The following DIPK1B variants were observed in gnomAD, a reference collection of about 807,000 sequenced individuals.
DIPK1B encodes family with sequence similarity 69 member B.
In DIPK1B, 17 loss-of-function variants were observed where a neutral mutation model predicts 20.7. That is an observed-to-expected ratio of 0.82 (90% CI 0.56 to 1.23). DIPK1B has a LOEUF of 1.23. Ranked by LOEUF, DIPK1B falls within the 50% of genes most tolerant of loss-of-function variation. The pLI, the probability that DIPK1B is intolerant of heterozygous loss-of-function variation, is 0.00. For synonymous variants in DIPK1B, 343 were observed against 276.5 expected (o/e 1.24, Z -2.39); for missense variants, 648 against 601.8 (o/e 1.08, Z -0.80).
intron 1 of DIPK1B, among the ~76,000 whole-genome samples, chr9:136,713,405 T>G (rs962161860): frequency 1.3e-5 from 2 of 152,266 alleles, no homozygotes; most frequent in Admixed American, 6.5e-5. Flanking sequence ...CAGATTTGCC[T>G]GTATCTCCCC....
intron 1 of DIPK1B, 33 bp from the exon 2 acceptor site, chr9:136,717,544 G>C: frequency 1.3e-6 from 2 of 1,589,858 alleles, no homozygotes; most frequent in Non-Finnish European, 1.7e-6. Flanking sequence ...GGTGCCCCGA[G>C]GGCACCTCCT....
In DIPK1B at chr9:136,722,964, G is replaced by A. The variant is rs148889146; in HGVS notation, c.486G>A (p.Ala162=). The stretch of plus-strand genomic sequence containing the variant: ...TTTCTTTTGGTCCCAAACGCCAGGC[G>A]AACCTGGGAGACCTGCCTTCCCTGC... ...FREMTLSFLK[A]NLGDLPSLPA... is the part of the protein sequence containing the mutation. Residue 162 remains alanine, a splice_region_variant and synonymous_variant, in exon 5 of 5, where the codon GCG becomes GCA. Transcript: ENST00000371692. The A allele has an allele frequency of 5.1e-5, 82 of 1,601,628 alleles. No individual in the cohort carries two copies. The African/African-American group carries it at 7.0e-4, about 14-fold the overall frequency.
chr9:136,715,465 T>C (rs1846483143), intron 1 of DIPK1B, among the ~76,000 whole-genome samples: 1 of 151,506 alleles, frequency 6.6e-6, no homozygotes, highest in South Asian at 2.1e-4. Flanking sequence ...AAAAGCCGGC[T>C]CCCAGACATC....
Position 136,723,635 on chromosome 9 carries a change from G to A in DIPK1B, c.1157G>A (p.Arg386His), listed in dbSNP as rs754751475. The A allele has an allele frequency of 1.5e-5, 24 of 1,572,634 alleles. No individual in the cohort carries two copies. In the East Asian group the frequency reaches 2.3e-4, roughly 15 times the overall value. ...YLLPGAPADLREELGTQLRTC... is the reference protein window; with the variant it reads ...YLLPGAPADLHEELGTQLRTC... ...CTGCCTGGCGCGCCCGCCGACCTCC[G>A]CGAGGAGCTGGGCACACAGCTGCGC... The change falls in exon 5 of 5, where the codon CGC (arginine) becomes CAC (histidine). Residue 386 changes from arginine to histidine, a missense_variant. Transcript: ENST00000371692.
Position 136,717,721 on chromosome 9 carries a change from G to A in DIPK1B, c.198+10G>A. Reference sequence around the variant, plus strand: ...CTGCCAGGTGGTCATTGTAAGTGTTGCTTGTGCGGGCTGGGGACTGGGCCG... The same window carrying A: ...CTGCCAGGTGGTCATTGTAAGTGTTACTTGTGCGGGCTGGGGACTGGGCCG... On this transcript the variant is annotated intron_variant, in intron 2 of 4. Coordinates refer to ENST00000371692, the MANE Select transcript of DIPK1B (RefSeq NM_152421.4). 6.2e-7 allele frequency: 1 copy of A among 1,610,686 alleles called. No homozygotes were observed.
rs1846518770 is a variant in DIPK1B at position 136,717,664 on chromosome 9, T to C, written c.151T>C (p.Ser51Pro). 1.2e-6 allele frequency: 2 copies of C among 1,609,694 alleles called. No homozygotes were observed. The highest frequency in any genetic ancestry group is 1.7e-6 in the Non-Finnish European group (2 of 1,179,948). The change falls in exon 2 of 5, where the codon TCG becomes CCG. Residue 51 changes from serine to proline, a missense_variant. By Grantham distance (74) the Ser-to-Pro change is moderately conservative. Transcript: ENST00000371692. ...AGSWLVYVHYSSYSERCRGHV... is the reference protein window; with the variant it reads ...AGSWLVYVHYPSYSERCRGHV... ...CAGCTGGCTGGTGTACGTGCACTACTCGTCCTACTCGGAGCGCTGTCGCGG... is the reference window on the plus strand; with the variant it reads ...CAGCTGGCTGGTGTACGTGCACTACCCGTCCTACTCGGAGCGCTGTCGCGG...
At position 136,714,741 on chromosome 9, in the gene DIPK1B, A is replaced by C. The variant is rs146900857; in HGVS notation, c.63+2013A>C. Among the ~76,000 whole-genome samples, 1,060 of 152,252 alleles carry C rather than the reference A, an allele frequency of 7.0e-3. 10 individuals are homozygous for C. Among genetic ancestry groups the C allele is most frequent in the African/African-American group, 0.025 (1,021 of 41,542 alleles). ...AACCTGGGCCTGGAGGGCTCCCCAC[A>C]CCGGAGCCACGCCCTCTGCTCCAGG... On this transcript the variant is annotated intron_variant, in intron 1 of 4. Coordinates refer to ENST00000371692, the MANE Select transcript of DIPK1B (RefSeq NM_152421.4).
rs570349970 is a variant in DIPK1B at position 136,721,780 on chromosome 9, C to G, written c.199-141C>G. ...GCCACCAATGGCATGACCCAGGGCC[C>G]CGGCACTGCCTGTGTGAGGGGCTGG... On this transcript the variant is annotated intron_variant, in intron 2 of 4. Coordinates refer to ENST00000371692, the MANE Select transcript of DIPK1B (RefSeq NM_152421.4). The G allele has an allele frequency of 4.7e-5, 34 of 717,026 alleles. 1 individual carries two copies. Among genetic ancestry groups the G allele is most frequent in the Admixed American group, 2.6e-4 (10 of 38,286 alleles). The allele number at this position is 717,026 out of a possible 1,614,324, so 44.4% of individuals were successfully genotyped here. A position where few individuals can be genotyped will look rare whatever the true frequency, so the allele number is the denominator to read the frequency against.
At position 136,723,482 on chromosome 9, in the gene DIPK1B, A is replaced by G. The variant is rs1363501576; in HGVS notation, c.1004A>G (p.Glu335Gly). Residue 335 changes from glutamate to glycine, a missense_variant, in exon 5 of 5, where the codon GAG becomes GGG. Physicochemically the swap from Glu to Gly is moderately conservative, Grantham distance 98. Coordinates refer to ENST00000371692, the MANE Select transcript of DIPK1B (RefSeq NM_152421.4). The stretch of plus-strand genomic sequence containing the variant: ...CGCTTCCTGCAGGGCCGCCGCTGCG[A>G]GCACAGCACCGACTGCACCTACGGG... ...VRRFLQGRRC[E>G]HSTDCTYGRD... The G allele has an allele frequency of 1.9e-6, 3 of 1,610,266 alleles. No homozygotes were observed. The highest frequency in any genetic ancestry group is 2.5e-6 in the Non-Finnish European group (3 of 1,178,542).
chr9:136,721,177 CAG>C (rs1846593901), intron 2 of DIPK1B: 1 of 152,452 alleles, frequency 6.6e-6, no homozygotes, highest in South Asian at 2.1e-4. Context: ...GCTTCTCTGA[CAG>C]AGGCCCTATG....
At chr9:136,713,908 G>A (rs999441677) in intron 1 of DIPK1B, among the ~76,000 whole-genome samples, 1 of 152,234 alleles carries the variant, frequency 6.6e-6, no homozygotes, top group Non-Finnish European at 1.5e-5. Context: ...GAGCCTGCTG[G>A]GCTGAGGACC....
rs1564310136 is a variant in DIPK1B at position 136,721,938 on chromosome 9, G to C, written c.216G>C (p.Lys72Asn). 1 of 1,613,582 alleles carries C rather than the reference G, an allele frequency of 6.2e-7. No individual in the cohort carries two copies. Among genetic ancestry groups the C allele is most frequent in the Non-Finnish European group, 8.5e-7 (1 of 1,179,966 alleles). Residue 72 changes from lysine (K) to asparagine (N), a missense_variant, in exon 3 of 5, where the codon AAG becomes AAC. By Grantham distance (94) the Lys-to-Asn change is moderately conservative (BLOSUM62 0). Coordinates refer to ENST00000371692, the MANE Select transcript of DIPK1B (RefSeq NM_152421.4). ...CTCCTCAGTGTGACCAGTACCGCAA[G>C]GGGATCATCTCGGGCTCCGTCTGCC... Reference protein sequence around the residue: ...CQVVICDQYRKGIISGSVCQD... With the variant: ...CQVVICDQYRNGIISGSVCQD...
At chr9:136,718,309 G>A (rs1846534624) in intron 2 of DIPK1B, among the ~76,000 whole-genome samples, 1 of 152,046 alleles carries the variant, frequency 6.6e-6, no homozygotes, top group Non-Finnish European at 1.5e-5. Context: ...TGGCCTTAGT[G>A]GCCTCGCTAG....
chr9:136,717,609 C>T lies in DIPK1B; in HGVS notation c.96C>T (p.Ile32=), dbSNP rs376712626. Reference sequence around the variant, plus strand: ...TCCCAGGCCTCAGGGTCCGCTGCATCTTCCTGGCCTGGCTGGGCGTCTTTG... The same window carrying T: ...TCCCAGGCCTCAGGGTCCGCTGCATTTTCCTGGCCTGGCTGGGCGTCTTTG... The part of the protein sequence containing the change: ...GRLPGLRVRC[I]FLAWLGVFAG... The change falls in exon 2 of 5, where the codon ATC becomes ATT. Residue 32 remains isoleucine (I), a synonymous_variant. Coordinates refer to ENST00000371692, the MANE Select transcript of DIPK1B (RefSeq NM_152421.4). The T allele has an allele frequency of 6.2e-7, 1 of 1,602,870 alleles. No individual in the cohort carries two copies. Among genetic ancestry groups the T allele is most frequent in the Non-Finnish European group, 8.5e-7 (1 of 1,179,884 alleles).
chr9:136,715,672 G>A (rs1366617649), intron 1 of DIPK1B, among the ~76,000 whole-genome samples: 9 of 151,968 alleles, frequency 5.9e-5, no homozygotes, highest in Non-Finnish European at 1.2e-4. Context: ...GCGCCACCAT[G>A]CCTGGCTAAT....
chr9:136,722,450 A>C, intron 4 of DIPK1B, 149 bp downstream of exon 4: 1 of 964,064 alleles, frequency 1.0e-6, no homozygotes, highest in Non-Finnish European at 1.5e-6. Flanking sequence ...GCCCCTGGGC[A>C]TGAGCCCTGC....
At chr9:136,720,614 A>T (rs1846583561) in intron 2 of DIPK1B, among the ~76,000 whole-genome samples, 2 of 152,202 alleles carry the variant, frequency 1.3e-5, no homozygotes, top group Admixed American at 1.3e-4. Flanking sequence ...AATTACTGCT[A>T]ACAAAGTCTC....
intron 1 of DIPK1B, among the ~76,000 whole-genome samples, chr9:136,716,200 C>T (rs574592901): frequency 2.2e-4 from 33 of 151,886 alleles, no homozygotes; most frequent in Non-Finnish European, 4.1e-4. Flanking sequence ...TTCCATCCCC[C>T]GGCTGTGAAC....
Position 136,712,577 on chromosome 9 carries a change from G to T in DIPK1B, c.-89G>T, listed in dbSNP as rs911323450. 5.7e-6 allele frequency: 3 copies of T among 528,298 alleles called. No homozygotes were observed. Among genetic ancestry groups the T allele is most frequent in the East Asian group, 1.5e-4 (1 of 6,606 alleles). 32.7% of individuals were successfully genotyped at this position (528,298 alleles called of 1,614,324 possible). On this transcript the variant is annotated 5_prime_UTR_variant, in exon 1 of 5. Transcript: ENST00000371692. The surrounding 1 kb of genome is among the most constrained non-coding windows in gnomAD (Gnocchi z 5.6). ...CCCGGGGGCGCGCGGCCCGCATGGC[G>T]AGGGAGCGGCGGCCGCTGCGGGCCG... is the stretch of plus-strand genomic sequence containing the variant.
Sources: gnomAD v4.1 joint callset for allele counts (sites outside exome capture counted in the v4.1 genomes callset) on GRCh38, gnomAD v4.1.1 for gene constraint, Gnocchi (gnomAD v3.1) non-coding constraint, MANE v1.5 for transcripts, NCBI Gene and HGNC (gene_info 2026-07-23, HGNC 2026-07-21) for gene names.